Variants in STRBP observed in about 807,000 individuals in gnomAD.
STRBP encodes the protein spermatid perinuclear RNA-binding protein.
A neutral mutation model predicts 80.1 loss-of-function variants in STRBP; 13 were observed. The observed-to-expected ratio is 0.16, with a 90% CI of 0.11 to 0.26. STRBP has a LOEUF of 0.26. STRBP is among the 10% of genes least tolerant of loss of function. The pLI, the probability that STRBP is intolerant of heterozygous loss-of-function variation, is 1.00. For synonymous variants in STRBP, 284 were observed against 291.2 expected (o/e 0.98, Z 0.25); for missense variants, 485 against 815.2 (o/e 0.59, Z 4.93).
chr9:123,137,408 T>TTTGTTG (rs149319491), intron 14 of STRBP, among the ~76,000 whole-genome samples: 5,231 of 152,014 alleles, frequency 0.034, 300 homozygotes, highest in African/African-American at 0.12. Flanking sequence ...GTTTTTTTTG[T>TTTGTTG]TTGTTGTTGT....
At chr9:123,209,171 C>T (rs1421488581) in intron 2 of STRBP, among the ~76,000 whole-genome samples, 4 of 152,138 alleles carry the variant, frequency 2.6e-5, no homozygotes, top group African/African-American at 9.7e-5. Context: ...ACTAGTTACC[C>T]ATAATACTTA....
intron 1 of STRBP, among the ~76,000 whole-genome samples, chr9:123,242,878 A>ACACT (rs1486671027): frequency 3.3e-5 from 5 of 152,218 alleles, no homozygotes; most frequent in African/African-American, 9.7e-5. Flanking sequence ...AATGGTAGAG[A>ACACT]CACTCCACAG....
chr9:123,191,512 G>C (rs992560483), intron 2 of STRBP, among the ~76,000 whole-genome samples: 10 of 152,042 alleles, frequency 6.6e-5, no homozygotes, highest in Non-Finnish European at 1.5e-4. Flanking sequence ...AAATACATCA[G>C]GCTTTTCATG....
At chr9:123,235,651 A>G (rs914269205) in intron 2 of STRBP, among the ~76,000 whole-genome samples, 2 of 149,974 alleles carry the variant, frequency 1.3e-5, no homozygotes, top group Non-Finnish European at 3.0e-5. Context: ...GTCATTAACC[A>G]CATGCAAAAA....
intron 1 of STRBP, among the ~76,000 whole-genome samples, chr9:123,248,009 T>C (rs1391133323): frequency 1.3e-5 from 2 of 152,188 alleles, no homozygotes; most frequent in Non-Finnish European, 2.9e-5. Flanking sequence ...AAGGAACAAC[T>C]AAGCACAAGG....
At chr9:123,217,265 T>C (rs982425021) in intron 2 of STRBP, among the ~76,000 whole-genome samples, 2 of 152,030 alleles carry the variant, frequency 1.3e-5, no homozygotes, top group Admixed American at 6.5e-5. Context: ...CTCAAAATGA[T>C]AGAGTAGAAG....
chr9:123,222,498 A>G (rs1348959068), intron 2 of STRBP, among the ~76,000 whole-genome samples: 1 of 152,200 alleles, frequency 6.6e-6, no homozygotes, highest in African/African-American at 2.4e-5. Flanking sequence ...GAGCAAGTAA[A>G]TATTTTTAAA....
intron 9 of STRBP, 52 bp downstream of exon 9, chr9:123,159,044 A>C (rs1173357480): frequency 8.4e-6 from 12 of 1,428,604 alleles, no homozygotes; most frequent in Non-Finnish European, 1.1e-5. Flanking sequence ...TAGAAAAATA[A>C]ACTAAACTGA....
At chr9:123,135,569 C>T (rs1253515823) in intron 16 of STRBP, among the ~76,000 whole-genome samples, 2 of 152,108 alleles carry the variant, frequency 1.3e-5, no homozygotes, top group African/African-American at 4.8e-5. Flanking sequence ...TGAACAGACA[C>T]AATACAGCGC....
At chr9:123,238,865 A>AC (rs979125141) in intron 1 of STRBP, among the ~76,000 whole-genome samples, 7 of 151,812 alleles carry the variant, frequency 4.6e-5, no homozygotes, top group African/African-American at 9.7e-5. Flanking sequence ...AAAAAGAGAC[A>AC]CCCCCCCACA....
At chr9:123,140,667 C>A (rs1181367985) in intron 13 of STRBP, among the ~76,000 whole-genome samples, 1 of 152,126 alleles carries the variant, frequency 6.6e-6, no homozygotes, top group Non-Finnish European at 1.5e-5. Flanking sequence ...ATTCTCTATA[C>A]TAAATAAGCC....
In STRBP at chr9:123,209,185, G is replaced by C. The variant is rs563322704; in HGVS notation, c.-164-24887C>G. 2.6e-5 allele frequency among the ~76,000 whole-genome samples: 4 copies of C among 152,314 alleles called. No individual in the cohort carries two copies. The South Asian group carries it at 8.3e-4, about 32-fold the overall frequency. The stretch of plus-strand genomic sequence containing the variant: ...AACTAGTTACCCATAATACTTAGAA[G>C]TCTTAGTCAATAAACATTCTAGTTT... On this transcript the variant is annotated intron_variant, in intron 2 of 18. Transcript: ENST00000348403.
chr9:123,182,360 T>C (rs965207701), intron 3 of STRBP, among the ~76,000 whole-genome samples: 1 of 151,364 alleles, frequency 6.6e-6, no homozygotes, highest in Non-Finnish European at 1.5e-5. Context: ...AATTAAATTA[T>C]ATAAAAACAC....
At chr9:123,141,720 AT>A (rs1365160920) in intron 13 of STRBP, among the ~76,000 whole-genome samples, 1 of 152,250 alleles carries the variant, frequency 6.6e-6, no homozygotes, top group Non-Finnish European at 1.5e-5. Context: ...ACTTATTATT[AT>A]TACAGCAACA....
chr9:123,249,706 G>A (rs555598873), intron 1 of STRBP, among the ~76,000 whole-genome samples: 25 of 152,174 alleles, frequency 1.6e-4, no homozygotes, highest in African/African-American at 4.6e-4. Flanking sequence ...TAAAGCAACC[G>A]AGTCACTCCT....
At position 123,231,895 on chromosome 9, in the gene STRBP, C is replaced by T. The variant is rs969412966; in HGVS notation, c.-165+4935G>A. Among the ~76,000 whole-genome samples the T allele has an allele frequency of 2.6e-5, 4 of 152,154 alleles. No individual in the cohort carries two copies. In the East Asian group the frequency reaches 7.7e-4, roughly 29 times the overall value. ...CTACCCCACTTCAAAACTTATACTG[C>T]GAATGTACCAATCTCCTTACAGTTA... On this transcript the variant is annotated intron_variant, in intron 2 of 18. Coordinates refer to ENST00000348403, the MANE Select transcript of STRBP (RefSeq NM_018387.5).
chr9:123,164,282 G>C (rs925165199), intron 6 of STRBP, among the ~76,000 whole-genome samples: 1 of 152,046 alleles, frequency 6.6e-6, no homozygotes, highest in African/African-American at 2.4e-5. Flanking sequence ...CCTGACCTCA[G>C]GTGATCTGCC....
downstream of STRBP, among the ~76,000 whole-genome samples, chr9:123,119,031 T>C (rs2035689228): frequency 6.6e-6 from 1 of 152,240 alleles, no homozygotes; most frequent in Non-Finnish European, 1.5e-5. Context: ...ATATGTTTTC[T>C]CTAAGACTAA....
At chr9:123,160,490 T>A in intron 7 of STRBP, 28 bp from the exon 8 acceptor site, 1 of 1,548,012 alleles carries the variant, frequency 6.5e-7, no homozygotes, top group Non-Finnish European at 8.8e-7. Context: ...ATTCCAGATA[T>A]CCCTATTGAG....
Sources: gnomAD v4.1 joint callset for allele counts (sites outside exome capture counted in the v4.1 genomes callset) on GRCh38, gnomAD v4.1.1 for gene constraint, MANE v1.5 for transcripts, NCBI Gene and HGNC (gene_info 2026-07-23, HGNC 2026-07-21) for gene names.